Variants in BMP5 observed in about 807,000 individuals in gnomAD.
BMP5 encodes bone morphogenetic protein 5.
Under a neutral mutation model 46.6 loss-of-function variants are expected in BMP5, and 23 were observed. The observed-to-expected ratio is 0.49, with a 90% CI of 0.35 to 0.70. BMP5 has a LOEUF of 0.70. Ranked by LOEUF, BMP5 falls within the 30% of genes least tolerant of loss-of-function variation. BMP5 has a pLI of 0.00. For synonymous variants in BMP5, 204 were observed against 191.9 expected, an observed-to-expected ratio of 1.06 and a Z score of -0.52; for missense variants, 545 against 565.6, an observed-to-expected ratio of 0.96 and a Z score of 0.37.
intron 4 of BMP5, 42 bp downstream of exon 4, chr6:55,774,007 C>T: frequency 6.2e-7 from 1 of 1,600,440 alleles, no homozygotes; most frequent in Non-Finnish European, 8.6e-7. Context: ...CATACGACCC[C>T]ATAACTCTCT....
At chr6:55,835,136 T>C (rs1177724746) in intron 1 of BMP5, among the ~76,000 whole-genome samples, 1 of 152,074 alleles carries the variant, frequency 6.6e-6, no homozygotes, top group African/African-American at 2.4e-5. Context: ...AAATTCATTG[T>C]GAATAGCAAT....
At chr6:55,828,862 G>C (rs2127541518) in intron 1 of BMP5, among the ~76,000 whole-genome samples, 1 of 151,684 alleles carries the variant, frequency 6.6e-6, no homozygotes, top group African/African-American at 2.4e-5. Context: ...ATTTTAAATT[G>C]GTATAATATA....
chr6:55,835,989 G>T (rs1314838161), intron 1 of BMP5, among the ~76,000 whole-genome samples: 3 of 151,982 alleles, frequency 2.0e-5, no homozygotes, highest in Non-Finnish European at 2.9e-5. Context: ...ACACAATACG[G>T]TATTTTCTTT....
chr6:55,840,598 G>C (rs535060668), intron 1 of BMP5, among the ~76,000 whole-genome samples: 2 of 152,036 alleles, frequency 1.3e-5, no homozygotes, highest in South Asian at 4.2e-4. Context: ...TGAAATATTT[G>C]TACTTTCATT....
chr6:55,833,123 TAAAA>T (rs1776705618), intron 1 of BMP5, among the ~76,000 whole-genome samples: 1 of 151,884 alleles, frequency 6.6e-6, no homozygotes, highest in African/African-American at 2.4e-5. Context: ...CTCTAAGAAA[TAAAA>T]AATAAATAAA....
intron 1 of BMP5, among the ~76,000 whole-genome samples, chr6:55,840,981 G>A (rs1776934121): frequency 6.6e-6 from 1 of 152,216 alleles, no homozygotes; most frequent in African/African-American, 2.4e-5. Context: ...AGCAGTGGGT[G>A]AGGAAGCATT....
chr6:55,828,784 T>C (rs1776591431), intron 1 of BMP5, among the ~76,000 whole-genome samples: 2 of 151,804 alleles, frequency 1.3e-5, no homozygotes, highest in African/African-American at 4.8e-5. Flanking sequence ...ACAGTTTGTA[T>C]AGTTTAAAGG....
chr6:55,846,534 T>C (rs531489099), intron 1 of BMP5, among the ~76,000 whole-genome samples: 1 of 152,064 alleles, frequency 6.6e-6, no homozygotes, highest in South Asian at 2.1e-4. Context: ...TAGTAGACCA[T>C]TTCTCTTGTC....
chr6:55,861,107 T>C (rs1429275860), intron 1 of BMP5, among the ~76,000 whole-genome samples: 2 of 152,190 alleles, frequency 1.3e-5, no homozygotes, highest in South Asian at 4.1e-4. Context: ...CAGTCATGAC[T>C]AGCAAGATGA....
chr6:55,813,886 G>A (rs533081037), intron 2 of BMP5, among the ~76,000 whole-genome samples: 1 of 151,496 alleles, frequency 6.6e-6, no homozygotes, highest in Non-Finnish European at 1.5e-5. Flanking sequence ...TTTGTGAATT[G>A]TAAGCAATAA....
At chr6:55,821,800 G>A (rs1776415926) in intron 1 of BMP5, among the ~76,000 whole-genome samples, 2 of 152,126 alleles carry the variant, frequency 1.3e-5, no homozygotes, top group Admixed American at 1.3e-4. Context: ...GTGTGAGAGT[G>A]GAAGTCTAGG....
intron 1 of BMP5, among the ~76,000 whole-genome samples, chr6:55,862,580 T>G (rs1777547738): frequency 6.6e-6 from 1 of 152,184 alleles, no homozygotes; most frequent in Admixed American, 6.5e-5. Context: ...TTTAGACAGC[T>G]CCAACAACTT....
Position 55,874,913 on chromosome 6 carries a change from T to TAAAATAAAAAA in BMP5, c.-49_-48insTTTTTTATTTT. ...ATATTTTTAGTCCTTCTTGTCCTCT[T>TAAAATAAAAAA]AAAAAAAAAAAAAACCTAAGGTTCT... On this transcript the variant is annotated 5_prime_UTR_variant, in exon 1 of 7. Transcript: ENST00000370830. 1 of 1,382,426 alleles carries TAAAATAAAAAA rather than the reference T, an allele frequency of 7.2e-7. No individual in the cohort carries two copies. Among genetic ancestry groups the TAAAATAAAAAA allele is most frequent in the Non-Finnish European group, 9.8e-7 (1 of 1,015,634 alleles). The allele number at this position is 1,382,426 out of a possible 1,614,324, so 85.6% of individuals were successfully genotyped here. A position where few individuals can be genotyped will look rare whatever the true frequency, so the allele number is the denominator to read the frequency against.
chr6:55,759,174 A>AAAAAAAAAAAAAAAAAAAAAAAAAT (rs1774698358), intron 5 of BMP5, 59 bp from the exon 6 acceptor site: 1 of 857,748 alleles, frequency 1.2e-6, no homozygotes. Context: ...AAAAAAAAAA[A>AAAAAAAAAAAAAAAAAAAAAAAAAT]AAAAAAAAAC....
intron 6 of BMP5, 90 bp from the exon 7 acceptor site, chr6:55,755,772 A>C: frequency 1.6e-6 from 2 of 1,249,136 alleles, no homozygotes; most frequent in Non-Finnish European, 2.3e-6. Context: ...TATCACTCAT[A>C]ATCAGGCACA....
At chr6:55,762,475 C>T (rs890689132) in intron 4 of BMP5, among the ~76,000 whole-genome samples, 1 of 151,916 alleles carries the variant, frequency 6.6e-6, no homozygotes, top group African/African-American at 2.4e-5. Context: ...TTATTTATTC[C>T]TACTATGCAA....
Position 55,828,980 on chromosome 6 carries a change from A to G in BMP5, c.491-9133T>C, listed in dbSNP as rs1202044877. ...TGCATCAGTGAAGTTTGGTACATGG[A>G]TGTATAATCACAAAGAAATGTGATT... On this transcript the variant is annotated intron_variant, in intron 1 of 6. Transcript: ENST00000370830. Among the ~76,000 whole-genome samples the G allele has an allele frequency of 1.9e-4, 29 of 151,838 alleles. 1 individual carries two copies. The Admixed American group carries it at 1.9e-3, about 10-fold the overall frequency.
intron 1 of BMP5, among the ~76,000 whole-genome samples, chr6:55,861,755 C>G (rs996475866): frequency 6.6e-6 from 1 of 152,164 alleles, no homozygotes; most frequent in African/African-American, 2.4e-5. Flanking sequence ...TTTTATGTCC[C>G]TTACTGATGA....
intron 1 of BMP5, among the ~76,000 whole-genome samples, chr6:55,834,664 A>G (rs1232269515): frequency 6.6e-6 from 1 of 152,208 alleles, no homozygotes. Flanking sequence ...CTTTCCCCCA[A>G]AAAAGTAAAA....
Sources: allele counts gnomAD v4.1 joint callset (sites outside exome capture counted in the v4.1 genomes callset), GRCh38; gene constraint gnomAD v4.1.1; transcripts MANE v1.5; gene names NCBI Gene and HGNC (gene_info 2026-07-23, HGNC 2026-07-21).